Variants in TAFA4 observed in about 807,000 individuals in gnomAD.
TAFA4 encodes chemokine-like protein TAFA-4.
Under a neutral mutation model 21.1 loss-of-function variants are expected in TAFA4, and 20 were observed. The observed-to-expected ratio is 0.95, with a 90% CI of 0.67 to 1.38. TAFA4 has a LOEUF of 1.38. Ranked by LOEUF, TAFA4 falls within the 40% of genes most tolerant of loss-of-function variation. TAFA4 has a pLI of 0.00. For synonymous variants in TAFA4, 71 were observed against 67.4 expected, an observed-to-expected ratio of 1.05 and a Z score of -0.26; for missense variants, 211 against 180.9, an observed-to-expected ratio of 1.17 and a Z score of -0.95.
chr3:68,773,190 T>C (rs753812309), intron 3 of TAFA4, among the ~76,000 whole-genome samples: 3 of 152,194 alleles, frequency 2.0e-5, no homozygotes, highest in Non-Finnish European at 4.4e-5. Flanking sequence ...TCTGACCAAC[T>C]TGACTACAAA....
intron 3 of TAFA4, among the ~76,000 whole-genome samples, chr3:68,793,783 T>C (rs1335791732): frequency 6.6e-6 from 1 of 152,218 alleles, no homozygotes; most frequent in Non-Finnish European, 1.5e-5. Flanking sequence ...GAATCAAATG[T>C]AGGTGCAGAA....
At chr3:68,853,152 T>C (rs1167769336) in intron 3 of TAFA4, among the ~76,000 whole-genome samples, 4 of 152,210 alleles carry the variant, frequency 2.6e-5, no homozygotes. Context: ...TGATGTCAGA[T>C]AGATATAAAC....
intron 3 of TAFA4, among the ~76,000 whole-genome samples, chr3:68,783,673 C>CAGAGAGAGAGAGAG (rs1163439201): frequency 1.5e-4 from 13 of 86,180 alleles, no homozygotes; most frequent in Admixed American, 5.8e-4. Context: ...CACACACACA[C>CAGAGAGAGAGAGAG]AGAGAGAGAG....
At chr3:68,899,277 C>A (rs1383432984) in intron 1 of TAFA4, among the ~76,000 whole-genome samples, 1 of 151,706 alleles carries the variant, frequency 6.6e-6, no homozygotes, top group African/African-American at 2.4e-5. Context: ...TTTAATATTC[C>A]ATGTAGAAAT....
intron 3 of TAFA4, among the ~76,000 whole-genome samples, chr3:68,852,046 A>G (rs772339931): frequency 6.6e-6 from 1 of 152,170 alleles, no homozygotes; most frequent in Non-Finnish European, 1.5e-5. Context: ...TTCTGATGCA[A>G]GTGGCCAAAG....
At chr3:68,844,630 T>C (rs1409985615) in intron 3 of TAFA4, among the ~76,000 whole-genome samples, 6 of 152,214 alleles carry the variant, frequency 3.9e-5, no homozygotes, top group African/African-American at 1.4e-4. Context: ...TTTTAGATCT[T>C]TCCTACCTTC....
chr3:68,840,051 C>T (rs1432564357), intron 3 of TAFA4, among the ~76,000 whole-genome samples: 2 of 152,214 alleles, frequency 1.3e-5, no homozygotes, highest in East Asian at 3.9e-4. Context: ...CCACTGTCTT[C>T]TCTCCAAAGA....
chr3:68,920,639 A>ATTTTTTTTTTTTTTTTTTTTTTT (rs367598663), intron 1 of TAFA4, among the ~76,000 whole-genome samples: 1 of 130,236 alleles, frequency 7.7e-6, no homozygotes, highest in African/African-American at 3.0e-5. Context: ...TTTTTCTCTA[A>ATTTTTTTTTTTTTTTTTTTTTTT]TTTTTTTTTT....
chr3:68,765,878 A>AGG (rs1702844117), intron 3 of TAFA4, among the ~76,000 whole-genome samples: 1 of 152,124 alleles, frequency 6.6e-6, no homozygotes, highest in Non-Finnish European at 1.5e-5. Context: ...GGACCTCAAT[A>AGG]GGTGCTTCAA....
Position 68,733,700 on chromosome 3 carries a change from A to G in TAFA4, c.412-547T>C, listed in dbSNP as rs116299352. Reference sequence around the variant, plus strand: ...TTGAACAGCAGTTTCTATTCATGTAAGAAATTTTACGTGTTTGTTAGTCAA... The same window carrying G: ...TTGAACAGCAGTTTCTATTCATGTAGGAAATTTTACGTGTTTGTTAGTCAA... On this transcript the variant is annotated intron_variant, in intron 5 of 5. Transcript: ENST00000295569. Among the ~76,000 whole-genome samples, 468 of 152,310 alleles carry G rather than the reference A, an allele frequency of 3.1e-3. 3 individuals are homozygous for G. Among genetic ancestry groups the G allele is most frequent in the African/African-American group, 0.011 (450 of 41,570 alleles).
At chr3:68,807,698 G>C (rs1040589901) in intron 3 of TAFA4, among the ~76,000 whole-genome samples, 13 of 152,158 alleles carry the variant, frequency 8.5e-5, no homozygotes, top group Non-Finnish European at 1.9e-4. Context: ...AGTTAGGAGT[G>C]CCATTATGTC....
chr3:68,840,674 T>C (rs945176972), intron 3 of TAFA4, among the ~76,000 whole-genome samples: 1 of 152,050 alleles, frequency 6.6e-6, no homozygotes, highest in African/African-American at 2.4e-5. Context: ...ATATATAGAA[T>C]ATAGCCATGG....
At chr3:68,783,713 A>AAAAGAAAGAAAG (rs60548305) in intron 3 of TAFA4, among the ~76,000 whole-genome samples, 982 of 80,650 alleles carry the variant, frequency 0.012, 26 homozygotes, top group African/African-American at 0.015. Context: ...GAGAGAAAGA[A>AAAAGAAAGAAAG]AAAGAAAGAA....
intron 5 of TAFA4, among the ~76,000 whole-genome samples, chr3:68,735,816 A>T (rs1203468658): frequency 6.6e-6 from 1 of 152,178 alleles, no homozygotes; most frequent in Non-Finnish European, 1.5e-5. Context: ...ACTATTCTTT[A>T]AAGCAGCTTT....
chr3:68,927,804 A>C (rs1309560346), intron 1 of TAFA4, among the ~76,000 whole-genome samples: 1 of 151,998 alleles, frequency 6.6e-6, no homozygotes, highest in Non-Finnish European at 1.5e-5. Flanking sequence ...AGGGTGAAGC[A>C]GAAGGATTGC....
In TAFA4 at chr3:68,813,069, G is replaced by A. The variant is rs1229352662; in HGVS notation, c.131-60051C>T. 9.9e-5 allele frequency among the ~76,000 whole-genome samples: 15 copies of A among 152,192 alleles called. No individual in the cohort carries two copies. The East Asian group carries it at 1.7e-3, about 18-fold the overall frequency. ...TGGAAACTGAACAACCTGCTCCTGA[G>A]TGACTACTGGGTACATAACGAAATG... On this transcript the variant is annotated intron_variant, in intron 3 of 5. Coordinates refer to ENST00000295569, the MANE Select transcript of TAFA4 (RefSeq NM_182522.5).
chr3:68,928,756 T>C (rs1437625154), intron 1 of TAFA4, among the ~76,000 whole-genome samples: 2 of 151,762 alleles, frequency 1.3e-5, no homozygotes, highest in African/African-American at 2.4e-5. Context: ...AGGGAAGGGG[T>C]CCCACCACAT....
chr3:68,879,493 A>G (rs2089591577), intron 3 of TAFA4, among the ~76,000 whole-genome samples: 1 of 152,156 alleles, frequency 6.6e-6, no homozygotes, highest in African/African-American at 2.4e-5. Flanking sequence ...CACTCAAGAA[A>G]AGAGATAAGA....
At chr3:68,796,675 A>G (rs1009245216) in intron 3 of TAFA4, among the ~76,000 whole-genome samples, 1 of 152,244 alleles carries the variant, frequency 6.6e-6, no homozygotes. Flanking sequence ...ATCAAAAGAC[A>G]TAACTAACAG....
Sources: gnomAD v4.1 joint callset for allele counts (sites outside exome capture counted in the v4.1 genomes callset) on GRCh38, gnomAD v4.1.1 for gene constraint, MANE v1.5 for transcripts, NCBI Gene and HGNC (gene_info 2026-07-23, HGNC 2026-07-21) for gene names.